The following XIRP2 variants were observed in gnomAD, a reference collection of about 807,000 sequenced individuals.
The protein encoded by XIRP2 is xin actin binding repeat containing 2.
In XIRP2, 236 loss-of-function variants were observed where a neutral mutation model predicts 277.0. The observed-to-expected ratio is 0.85, with a 90% CI of 0.77 to 0.95. The LOEUF (loss-of-function observed/expected upper bound fraction) is 0.95. Ranked by LOEUF, XIRP2 falls within the 40% of genes least tolerant of loss-of-function variation. XIRP2 has a pLI of 0.00. For synonymous variants in XIRP2, 1,490 were observed against 1,416.5 expected, an observed-to-expected ratio of 1.05 and a Z score of -1.17; for missense variants, 4,640 against 4,157.5, an observed-to-expected ratio of 1.12 and a Z score of -3.19.
chr2:166,956,943 G>T (rs1405384445), intron 2 of XIRP2, among the ~76,000 whole-genome samples: 3 of 151,786 alleles, frequency 2.0e-5, no homozygotes, highest in South Asian at 4.1e-4. Context: ...AGAAAGGTTA[G>T]AATGGATATT....
chr2:166,931,447 C>G (rs562886689), intron 2 of XIRP2, among the ~76,000 whole-genome samples: 3 of 152,192 alleles, frequency 2.0e-5, no homozygotes, highest in Non-Finnish European at 4.4e-5. Flanking sequence ...CCATAGGTAA[C>G]AACTACTCTT....
At chr2:167,107,567 ATACC>A (rs1690647864) in intron 2 of XIRP2, among the ~76,000 whole-genome samples, 2 of 151,676 alleles carry the variant, frequency 1.3e-5, no homozygotes, top group Admixed American at 1.3e-4. Flanking sequence ...GTTATAGTAT[ATACC>A]TATTTTGTAT....
intron 5 of XIRP2, among the ~76,000 whole-genome samples, chr2:167,232,987 C>T (rs1163581864): frequency 6.6e-6 from 1 of 151,692 alleles, no homozygotes; most frequent in Non-Finnish European, 1.5e-5. Context: ...AGAGACAGAT[C>T]GAGAACAAAT....
At chr2:166,890,466 G>A (rs1441902933) in intron 1 of XIRP2, among the ~76,000 whole-genome samples, 1 of 152,130 alleles carries the variant, frequency 6.6e-6, no homozygotes, top group East Asian at 1.9e-4. Context: ...GATGATGTTG[G>A]TGCACAGAAA....
rs140208720 is a variant in XIRP2, at chr2:166,903,746, G to A, written c.264G>A (p.Arg88=). The A allele has an allele frequency of 1.9e-6, 3 of 1,613,630 alleles. No individual in the cohort carries two copies. Among genetic ancestry groups the A allele is most frequent in the Non-Finnish European group, 2.5e-6 (3 of 1,179,788 alleles). The stretch of plus-strand genomic sequence containing the variant: ...CTGTGGACAAGAGTAACAACACCAG[G>A]GAATATGGTCGGCCAGAAGTGCTGA... The part of the protein sequence containing the change: ...KDSVDKSNNT[R]EYGRPEVLKE... Residue 88 remains arginine, a synonymous_variant, in exon 2 of 11, where the codon AGG becomes AGA. Transcript: ENST00000409195.
chr2:166,963,210 T>G (rs1209071341), intron 2 of XIRP2, among the ~76,000 whole-genome samples: 3 of 151,628 alleles, frequency 2.0e-5, no homozygotes, highest in African/African-American at 4.8e-5. Flanking sequence ...TCAATAAAAT[T>G]TGTTGAGTAA....
rs901681552 is a variant in XIRP2, at chr2:167,121,759, T to G, written c.409-14150T>G. Reference sequence around the variant, plus strand: ...AGTATTTCTGCTTTATATGGAAAATTAACTGCCTAAATGTGAAGCCAGAAT... The same window carrying G: ...AGTATTTCTGCTTTATATGGAAAATGAACTGCCTAAATGTGAAGCCAGAAT... On this transcript the variant is annotated intron_variant, in intron 2 of 10. Transcript: ENST00000409195. Among the ~76,000 whole-genome samples, 5 of 152,110 alleles carry G rather than the reference T, an allele frequency of 3.3e-5. No individual in the cohort carries two copies. In the East Asian group the frequency reaches 9.6e-4, roughly 29 times the overall value.
At chr2:166,951,281 T>C (rs913090941) in intron 2 of XIRP2, among the ~76,000 whole-genome samples, 1 of 152,066 alleles carries the variant, frequency 6.6e-6, no homozygotes, top group African/African-American at 2.4e-5. Context: ...CTCATGGTTC[T>C]GCAGGCTGTA....
intron 2 of XIRP2, among the ~76,000 whole-genome samples, chr2:167,057,816 C>T (rs1048068413): frequency 6.6e-5 from 10 of 152,042 alleles, no homozygotes; most frequent in South Asian, 4.2e-4. Context: ...ATACCTTTAT[C>T]GCTTTGCTCA....
At chr2:166,996,995 C>T (rs1454379688) in intron 2 of XIRP2, among the ~76,000 whole-genome samples, 3 of 152,104 alleles carry the variant, frequency 2.0e-5, no homozygotes, top group Non-Finnish European at 2.9e-5. Context: ...TCAAAATATA[C>T]CTAAAATGAA....
chr2:167,064,712 T>G (rs2105243679), intron 2 of XIRP2, among the ~76,000 whole-genome samples: 1 of 152,000 alleles, frequency 6.6e-6, no homozygotes, highest in African/African-American at 2.4e-5. Flanking sequence ...TTCCTATGAA[T>G]TTGATTGTCC....
At chr2:167,254,194 A>G (rs377241964) in intron 10 of XIRP2, 29 bp downstream of exon 10, 1 of 1,599,718 alleles carries the variant, frequency 6.3e-7, no homozygotes, top group Non-Finnish European at 8.5e-7. Flanking sequence ...TTTGCCACAA[A>G]TATTCCAGGA....
intron 1 of XIRP2, among the ~76,000 whole-genome samples, chr2:166,892,292 A>G (rs1684123998): frequency 6.6e-6 from 1 of 152,128 alleles, no homozygotes; most frequent in South Asian, 2.1e-4. Context: ...ATTTAAAGTC[A>G]TGTTTAAAGG....
intron 5 of XIRP2, among the ~76,000 whole-genome samples, chr2:167,234,934 C>A (rs1225382980): frequency 1.3e-5 from 2 of 151,842 alleles, no homozygotes; most frequent in Non-Finnish European, 3.0e-5. Context: ...CATGTCAAAT[C>A]CATTAACTCA....
At chr2:167,237,537 A>G (rs1559034280) in intron 5 of XIRP2, among the ~76,000 whole-genome samples, 1 of 152,172 alleles carries the variant, frequency 6.6e-6, no homozygotes, top group Non-Finnish European at 1.5e-5. Context: ...CTGCCATGTT[A>G]AAATATGAAC....
intron 3 of XIRP2, among the ~76,000 whole-genome samples, chr2:167,201,226 GAA>G (rs1693689504): frequency 4.9e-5 from 5 of 102,612 alleles, no homozygotes; most frequent in African/African-American, 2.9e-4. Flanking sequence ...AAGAAAGAAA[GAA>G]AGAAAGAAAG....
At chr2:166,981,392 G>A (rs1574134599) in intron 2 of XIRP2, among the ~76,000 whole-genome samples, 1 of 151,278 alleles carries the variant, frequency 6.6e-6, no homozygotes, top group East Asian at 1.9e-4. Flanking sequence ...TCTCCTCTAT[G>A]TGTCTGTACA....
chr2:167,076,720 G>A (rs2105256948), intron 2 of XIRP2, among the ~76,000 whole-genome samples: 1 of 152,308 alleles, frequency 6.6e-6, no homozygotes, highest in Non-Finnish European at 1.5e-5. Flanking sequence ...AAGATCCCCT[G>A]TGTTCATAAG....
Position 167,247,047 on chromosome 2 carries a change from T to G in XIRP2, c.5655T>G (p.Ser1885=). The G allele has an allele frequency of 1.2e-6, 2 of 1,613,222 alleles. No homozygotes were observed. Among genetic ancestry groups the G allele is most frequent in the Non-Finnish European group, 1.7e-6 (2 of 1,179,680 alleles). ...AATCAAGCCATCGATGGAAAGAATC[T>G]AAACAGCCTGATGCCATCCCTGGTG... ...LKESSHRWKE[S]KQPDAIPGDI... The change falls in exon 9 of 11, where the codon TCT becomes TCG. Residue 1885 remains serine, a synonymous_variant. Transcript: ENST00000409195.
Sources: gnomAD v4.1 joint callset for allele counts (sites outside exome capture counted in the v4.1 genomes callset) on GRCh38, gnomAD v4.1.1 for gene constraint, MANE v1.5 for transcripts, NCBI Gene and HGNC (gene_info 2026-07-23, HGNC 2026-07-21) for gene names.